The following NDUFC2 variants were observed in gnomAD, a reference collection of about 807,000 sequenced individuals.
NDUFC2 encodes the protein NADH:ubiquinone oxidoreductase subunit C2.
A neutral mutation model predicts 10.1 loss-of-function variants in NDUFC2; 2 were observed. The ratio of observed to expected loss-of-function variants is 0.20; its 90% CI spans 0.08 to 0.62. The LOEUF (loss-of-function observed/expected upper bound fraction) is 0.62, where lower values mean the gene tolerates loss of function less well. Ranked by LOEUF, NDUFC2 falls within the 20% of genes least tolerant of loss-of-function variation. The probability of loss-of-function intolerance (pLI) is 0.87; values close to 1 mark genes in which losing one functional copy is unlikely to be tolerated. For synonymous variants in NDUFC2, 61 were observed against 63.6 expected (o/e 0.96, Z 0.20); for missense variants, 156 against 159.6 (o/e 0.98, Z 0.12).
chr11:78,071,184 A>AAGACCTT (rs1237319401), intron 2 of NDUFC2, among the ~76,000 whole-genome samples: 1 of 152,104 alleles, frequency 6.6e-6, no homozygotes, highest in Non-Finnish European at 1.5e-5. Context: ...AGAGCTAAAT[A>AAGACCTT]AGACCTTAGA....
Position 78,079,784 on chromosome 11 carries a change from G to A in NDUFC2, c.-40C>T. The stretch of plus-strand genomic sequence containing the variant: ...CACTTGAGGCCTGGTCTCAGACCAC[G>A]AACTACAAGGAAAACCACGACGACC... On this transcript the variant is annotated 5_prime_UTR_variant, in exon 1 of 3. Coordinates refer to ENST00000281031, the MANE Select transcript of NDUFC2 (RefSeq NM_004549.6). 1.3e-6 allele frequency: 2 copies of A among 1,567,682 alleles called. No individual in the cohort carries two copies. The highest frequency in any genetic ancestry group is 1.7e-6 in the Non-Finnish European group (2 of 1,162,248).
At chr11:78,079,553 G>A (rs747524208) in intron 1 of NDUFC2, 26 bp downstream of exon 1, 2 of 1,547,134 alleles carry the variant, frequency 1.3e-6, no homozygotes, top group African/African-American at 2.7e-5. Flanking sequence ...TCTCCTCCCA[G>A]CCGATCCCGG....
At chr11:78,073,442 A>G (rs1859104055) in intron 1 of NDUFC2, among the ~76,000 whole-genome samples, 1 of 151,928 alleles carries the variant, frequency 6.6e-6, no homozygotes, top group Non-Finnish European at 1.5e-5. Context: ...CAGTAAGCTG[A>G]TATTGCGCCA....
intron 1 of NDUFC2, among the ~76,000 whole-genome samples, chr11:78,076,934 C>A (rs749702753): frequency 2.6e-5 from 4 of 152,194 alleles, no homozygotes; most frequent in Non-Finnish European, 4.4e-5. Flanking sequence ...AGATCAGCAA[C>A]AGGCTGTTTA....
chr11:78,079,463 C>G (rs1277507713), intron 1 of NDUFC2, 116 bp downstream of exon 1: 1 of 1,401,176 alleles, frequency 7.1e-7, no homozygotes, highest in East Asian at 2.7e-5. Flanking sequence ...GAGATGGGGC[C>G]AGCTAGGCAA....
At chr11:78,075,319 T>C (rs519532) in intron 1 of NDUFC2, among the ~76,000 whole-genome samples, 28,531 of 152,130 alleles carry the variant, frequency 0.19, 3,041 homozygotes, top group Middle Eastern at 0.3. Flanking sequence ...TTAATAATAA[T>C]TTGTTGTATA....
At chr11:78,074,808 T>C (rs537771876) in intron 1 of NDUFC2, among the ~76,000 whole-genome samples, 8 of 152,226 alleles carry the variant, frequency 5.3e-5, no homozygotes, top group Admixed American at 1.3e-4. Context: ...CTACCCGCCA[T>C]ATAGCAAACC....
rs1357790070 is a variant in NDUFC2 at position 78,073,056 on chromosome 11, C to T, written c.252G>A (p.Val84=). 6.2e-7 allele frequency: 1 copy of T among 1,613,954 alleles called. No homozygotes were observed. Among genetic ancestry groups the T allele is most frequent in the Non-Finnish European group, 8.5e-7 (1 of 1,180,012 alleles). ...LVKREDYLYA[V]RDREMFGYMK... is the part of the protein sequence containing the mutation. ...TATATCCAAACATTTCACGGTCCCT[C>T]ACAGCATACAGGTAGTCTTCACGTT... Residue 84 remains valine (V), a synonymous_variant, in exon 2 of 3, where the codon GTG becomes GTA. Coordinates refer to ENST00000281031, the MANE Select transcript of NDUFC2 (RefSeq NM_004549.6).
In NDUFC2 at chr11:78,069,965, T is replaced by G. The variant is rs1202789308; in HGVS notation, c.*22A>C. ...CAGAAACAGCAGGTATCAGTGAAAC[T>G]GGAGCAAGCATTTTGAAGACTTCAA... On this transcript the variant is annotated 3_prime_UTR_variant, in exon 3 of 3. Coordinates refer to ENST00000281031, the MANE Select transcript of NDUFC2 (RefSeq NM_004549.6). 1.2e-6 allele frequency: 2 copies of G among 1,612,864 alleles called. No homozygotes were observed. The highest frequency in any genetic ancestry group is 1.7e-6 in the Non-Finnish European group (2 of 1,179,420).
intron 1 of NDUFC2, among the ~76,000 whole-genome samples, chr11:78,078,728 C>CTTATTTTTTTTTTTTTT (rs1859357894): frequency 1.6e-5 from 1 of 61,642 alleles, no homozygotes; most frequent in Non-Finnish European, 3.0e-5. Context: ...TCAGGATCCG[C>CTTATTTTTTTTTTTTTT]TTTTTTTTTT....
In NDUFC2 at chr11:78,072,769, G is replaced by C. The variant is rs925057753; in HGVS notation, c.310+229C>G. On this transcript the variant is annotated intron_variant, in intron 2 of 2. Transcript: ENST00000281031. The stretch of plus-strand genomic sequence containing the variant: ...CCATTCTCTGAAGCAGGACACAGAG[G>C]AGCAGGAGGTTTGGGAAGGCAGAGG... 2.7e-5 allele frequency: 16 copies of C among 599,704 alleles called. No individual in the cohort carries two copies. In the African/African-American group the frequency reaches 3.0e-4, roughly 11 times the overall value. The allele number at this position is 599,704 out of a possible 1,614,324, so 37.1% of individuals were successfully genotyped here.
At chr11:78,076,266 C>T (rs530228453) in intron 1 of NDUFC2, among the ~76,000 whole-genome samples, 5 of 152,208 alleles carry the variant, frequency 3.3e-5, no homozygotes, top group African/African-American at 7.2e-5. Context: ...CTCTGCCTCC[C>T]GAGTAGCTGG....
chr11:78,078,457 G>A (rs534022597), intron 1 of NDUFC2, among the ~76,000 whole-genome samples: 1 of 152,250 alleles, frequency 6.6e-6, no homozygotes, highest in South Asian at 2.1e-4. Flanking sequence ...AGTCCTGCCT[G>A]ATAATCAAAG....
intron 1 of NDUFC2, among the ~76,000 whole-genome samples, chr11:78,078,123 GTA>G (rs1268933776): frequency 6.6e-6 from 1 of 152,160 alleles, no homozygotes; most frequent in Non-Finnish European, 1.5e-5. Flanking sequence ...GGCAAAAGAG[GTA>G]CAAGTGTGGT....
At chr11:78,070,927 T>A (rs1217557391) in intron 2 of NDUFC2, among the ~76,000 whole-genome samples, 5 of 152,158 alleles carry the variant, frequency 3.3e-5, no homozygotes, top group Admixed American at 6.5e-5. Flanking sequence ...GAGCCAGAGG[T>A]CTGAGACTGA....
chr11:78,072,238 C>T (rs183960957), intron 2 of NDUFC2, among the ~76,000 whole-genome samples: 4 of 152,192 alleles, frequency 2.6e-5, no homozygotes, highest in South Asian at 2.1e-4. Flanking sequence ...AGTGCAATGG[C>T]GCGATCTCAG....
intron 2 of NDUFC2, among the ~76,000 whole-genome samples, chr11:78,072,664 C>T (rs1184343688): frequency 6.6e-6 from 1 of 152,142 alleles, no homozygotes; most frequent in Non-Finnish European, 1.5e-5. Flanking sequence ...CTGATAAGAC[C>T]TGATGACTAA....
At chr11:78,072,977 T>G (rs1271659557) in intron 2 of NDUFC2, 21 bp downstream of exon 2, 3 of 1,607,092 alleles carry the variant, frequency 1.9e-6, no homozygotes, top group African/African-American at 2.7e-5. Context: ...ACACAGATTA[T>G]CTAAAATTAA....
In NDUFC2 at chr11:78,069,590, T is replaced by C. The variant is rs945834297; in HGVS notation, c.*397A>G. 8 of 410,786 alleles carry C rather than the reference T, an allele frequency of 1.9e-5. No homozygotes were observed. Among genetic ancestry groups the C allele is most frequent in the African/African-American group, 4.2e-5 (2 of 48,114 alleles). The allele number at this position is 410,786 out of a possible 1,614,324, so 25.4% of individuals were successfully genotyped here. The stretch of plus-strand genomic sequence containing the variant: ...AAACCTTTTCTGAAAGGGCTACATA[T>C]TAATTAGGCTTTGCAGGCCATAGGT... On this transcript the variant is annotated 3_prime_UTR_variant, in exon 3 of 3. Transcript: ENST00000281031.
Sources: gnomAD v4.1 joint callset for allele counts (sites outside exome capture counted in the v4.1 genomes callset) on GRCh38, gnomAD v4.1.1 for gene constraint, MANE v1.5 for transcripts, NCBI Gene and HGNC (gene_info 2026-07-23, HGNC 2026-07-21) for gene names.